The following NLGN1 variants were observed in gnomAD, a reference collection of about 807,000 sequenced individuals.
NLGN1 encodes the protein neuroligin-1.
Under a neutral mutation model 65.5 loss-of-function variants are expected in NLGN1, and 12 were observed. The observed-to-expected ratio is 0.18, with a 90% CI of 0.12 to 0.30. The LOEUF (loss-of-function observed/expected upper bound fraction) is 0.30. Among genes scored for constraint, NLGN1 ranks in the 10% least tolerant of loss-of-function variants. The pLI is 1.00. For missense variants in NLGN1, 750 were observed against 1,007.1 expected (o/e 0.74, Z 3.46); for synonymous variants, 350 against 359.5 (o/e 0.97, Z 0.30).
At chr3:174,278,014 T>A (rs1356175091) in intron 5 of NLGN1, among the ~76,000 whole-genome samples, 2 of 151,994 alleles carry the variant, frequency 1.3e-5, no homozygotes, top group African/African-American at 4.8e-5. Flanking sequence ...TTTGTAAATT[T>A]GAATGACATG....
Position 173,955,409 on chromosome 3 carries a change from A to AT in NLGN1, c.646+147578dup, listed in dbSNP as rs199536988. 6.3e-3 allele frequency among the ~76,000 whole-genome samples: 951 copies of AT among 151,974 alleles called. 19 individuals carry two copies. The highest frequency in any genetic ancestry group is 0.037 in the Admixed American group (564 of 15,286). On this transcript the variant is annotated intron_variant, in intron 4 of 6. Transcript: ENST00000457714. Reference sequence around the variant, plus strand: ...TGTAATGTTGTTAAAATGAGGTGCCATATTTTTCCCCTTACAAAATACAGA... The same window carrying AT: ...TGTAATGTTGTTAAAATGAGGTGCCATTATTTTTCCCCTTACAAAATACAGA...
At chr3:173,602,822 A>G (rs995376815) in intron 2 of NLGN1, among the ~76,000 whole-genome samples, 5 of 152,072 alleles carry the variant, frequency 3.3e-5, no homozygotes, top group Admixed American at 6.6e-5. Context: ...TCAGCATTAT[A>G]TACACTTTAC....
chr3:173,953,331 A>G (rs1309663235), intron 4 of NLGN1, among the ~76,000 whole-genome samples: 1 of 152,188 alleles, frequency 6.6e-6, no homozygotes, highest in African/African-American at 2.4e-5. Flanking sequence ...AACTTTGTTT[A>G]AACAAAAAAT....
chr3:173,409,803 A>G (rs987310833), intron 1 of NLGN1, among the ~76,000 whole-genome samples: 1 of 152,232 alleles, frequency 6.6e-6, no homozygotes, highest in African/African-American at 2.4e-5. Flanking sequence ...AATGAAACAT[A>G]AAAAAGACAA....
At chr3:173,922,472 A>C (rs1742235220) in intron 4 of NLGN1, among the ~76,000 whole-genome samples, 1 of 152,104 alleles carries the variant, frequency 6.6e-6, no homozygotes, top group Non-Finnish European at 1.5e-5. Context: ...ATTTGTTCAC[A>C]TTCTGTTTTT....
chr3:174,031,376 T>A (rs557534597), intron 4 of NLGN1, among the ~76,000 whole-genome samples: 1 of 152,300 alleles, frequency 6.6e-6, no homozygotes, highest in East Asian at 1.9e-4. Context: ...GCAAGCCTCA[T>A]CCACTGAGCT....
At chr3:174,016,562 G>A (rs1726598576) in intron 4 of NLGN1, among the ~76,000 whole-genome samples, 1 of 152,146 alleles carries the variant, frequency 6.6e-6, no homozygotes, top group Non-Finnish European at 1.5e-5. Flanking sequence ...CAATGTAGTA[G>A]CATCAGGAGA....
At chr3:173,839,020 C>T (rs1459670949) in intron 4 of NLGN1, among the ~76,000 whole-genome samples, 2 of 151,088 alleles carry the variant, frequency 1.3e-5, no homozygotes, top group African/African-American at 4.9e-5. Context: ...TTTATATCAT[C>T]AGGAACCAAA....
chr3:174,194,721 C>A (rs1577304296), intron 4 of NLGN1, among the ~76,000 whole-genome samples: 1 of 139,368 alleles, frequency 7.2e-6, no homozygotes, highest in African/African-American at 2.7e-5. Flanking sequence ...TAGATAGTTA[C>A]AGATATAACA....
chr3:173,629,236 C>A (rs1755295361), intron 3 of NLGN1, among the ~76,000 whole-genome samples: 1 of 151,870 alleles, frequency 6.6e-6, no homozygotes, highest in Admixed American at 6.6e-5. Context: ...TATTCCCAGG[C>A]TGGAGTTGAT....
intron 4 of NLGN1, among the ~76,000 whole-genome samples, chr3:174,086,713 A>T (rs541388149): frequency 6.6e-6 from 1 of 152,180 alleles, no homozygotes; most frequent in South Asian, 2.1e-4. Context: ...ACTTTAAAAA[A>T]TATTCAAAAT....
rs987180251 is a variant in NLGN1 at position 173,452,333 on chromosome 3, C to T, written c.-321+17255C>T. Among the ~76,000 whole-genome samples the T allele has an allele frequency of 5.9e-5, 9 of 152,078 alleles. No homozygotes were observed. The East Asian group carries it at 9.7e-4, about 16-fold the overall frequency. ...CCAAGTAGCTGGGACTACAGGTGCC[C>T]GCCACCACGTCCGGCTAATTTTTTG... On this transcript the variant is annotated intron_variant, in intron 2 of 6. Transcript: ENST00000457714.
At position 174,220,705 on chromosome 3, in the gene NLGN1, A is replaced by G. The variant is rs185361906; in HGVS notation, c.647-54610A>G. ...GTAGATCCATTTTTTGAATCCTAACATAATATAGTTTTCTAGGGCATTATT... is the reference window on the plus strand; with the variant it reads ...GTAGATCCATTTTTTGAATCCTAACGTAATATAGTTTTCTAGGGCATTATT... On this transcript the variant is annotated intron_variant, in intron 4 of 6. Coordinates refer to ENST00000457714, the Ensembl canonical transcript of NLGN1. Among the ~76,000 whole-genome samples, 7 of 116,884 alleles carry G rather than the reference A, an allele frequency of 6.0e-5. No individual in the cohort carries two copies. The East Asian group carries it at 1.5e-3, about 25-fold the overall frequency. The allele number at this position is 116,884 out of a possible 152,430, so 76.7% of individuals were successfully genotyped here.
At chr3:173,649,119 A>G (rs1195945764) in intron 3 of NLGN1, among the ~76,000 whole-genome samples, 2 of 152,198 alleles carry the variant, frequency 1.3e-5, no homozygotes, top group East Asian at 3.8e-4. Context: ...TGCTGAATGA[A>G]AGAAGTCAGA....
chr3:173,668,401 G>C (rs565680255), intron 3 of NLGN1, among the ~76,000 whole-genome samples: 6 of 152,122 alleles, frequency 3.9e-5, no homozygotes, highest in African/African-American at 1.4e-4. Flanking sequence ...TGGTGTAGAG[G>C]CTGGCTAGTG....
At chr3:173,606,739 A>G (rs1312121918) in intron 3 of NLGN1, among the ~76,000 whole-genome samples, 2 of 152,004 alleles carry the variant, frequency 1.3e-5, no homozygotes, top group African/African-American at 4.8e-5. Flanking sequence ...TTTCTTGGGT[A>G]ATACTGGTAG....
intron 2 of NLGN1, among the ~76,000 whole-genome samples, chr3:173,453,331 C>T (rs1462349350): frequency 1.3e-5 from 2 of 150,738 alleles, no homozygotes; most frequent in African/African-American, 2.4e-5. Context: ...TTGCTAGGCT[C>T]AAGTGATCTT....
chr3:174,263,850 C>G (rs371370887), intron 4 of NLGN1, among the ~76,000 whole-genome samples: 1 of 151,096 alleles, frequency 6.6e-6, no homozygotes, highest in African/African-American at 2.4e-5. Context: ...TTTAGCGCTT[C>G]CTTCAGGAGC....
At chr3:173,561,652 T>C (rs1312610932) in intron 2 of NLGN1, among the ~76,000 whole-genome samples, 1 of 152,198 alleles carries the variant, frequency 6.6e-6, no homozygotes, top group Non-Finnish European at 1.5e-5. Flanking sequence ...AGTTAAAGAC[T>C]TTTCTGTGCA....
Sources: allele counts gnomAD v4.1 joint callset (sites outside exome capture counted in the v4.1 genomes callset), GRCh38; gene constraint gnomAD v4.1.1; transcripts MANE v1.5; gene names NCBI Gene and HGNC (gene_info 2026-07-23, HGNC 2026-07-21).